The following DPY19L4 variants were observed in gnomAD, a reference collection of about 807,000 sequenced individuals.
The protein encoded by DPY19L4 is dpy-19 like 4, also known as probable C-mannosyltransferase DPY19L4.
Under a neutral mutation model 102.8 loss-of-function variants are expected in DPY19L4, and 97 were observed. The observed-to-expected ratio is 0.94, with a 90% CI of 0.80 to 1.12. The LOEUF (loss-of-function observed/expected upper bound fraction) is 1.12, where lower values mean the gene tolerates loss of function less well. Among genes scored for constraint, DPY19L4 ranks in the 50% most tolerant of loss-of-function variants. The probability of loss-of-function intolerance (pLI) is 0.00; values close to 1 mark genes in which losing one functional copy is unlikely to be tolerated. For synonymous variants in DPY19L4, 252 were observed against 283.1 expected (o/e 0.89, Z 1.10); for missense variants, 815 against 850.4 (o/e 0.96, Z 0.52).
In DPY19L4 at chr8:94,745,981, C is replaced by T. The variant is rs527748121; in HGVS notation, c.611+6191C>T. On this transcript the variant is annotated intron_variant, in intron 6 of 18. Coordinates refer to ENST00000414645, the MANE Select transcript of DPY19L4 (RefSeq NM_181787.3). ...GTTGGTCAGGCTGGTCTCAAACTAC[C>T]GACCTCAGGTGATCTGCCCACCTCA... 1.3e-3 allele frequency among the ~76,000 whole-genome samples: 192 copies of T among 151,042 alleles called. 2 individuals carry two copies. The highest frequency in any genetic ancestry group is 4.5e-3 in the African/African-American group (186 of 41,138).
intron 3 of DPY19L4, among the ~76,000 whole-genome samples, chr8:94,737,229 A>G (rs954345623): frequency 2.0e-5 from 3 of 152,252 alleles, no homozygotes; most frequent in African/African-American, 7.2e-5. Context: ...CCATGTCCCA[A>G]GGCTGCAGTG....
At chr8:94,734,337 T>G (rs577435150) in intron 2 of DPY19L4, among the ~76,000 whole-genome samples, 1 of 152,248 alleles carries the variant, frequency 6.6e-6, no homozygotes, top group Non-Finnish European at 1.5e-5. Flanking sequence ...CCCTAATGTC[T>G]TTTTTCTGTC....
intron 6 of DPY19L4, 30 bp downstream of exon 6, chr8:94,739,820 A>C: frequency 6.2e-7 from 1 of 1,608,256 alleles, no homozygotes; most frequent in Non-Finnish European, 8.5e-7. Flanking sequence ...TGATTTTTAA[A>C]AACTTTTTGT....
intron 17 of DPY19L4, among the ~76,000 whole-genome samples, chr8:94,786,096 A>G (rs1813638622): frequency 6.6e-6 from 1 of 152,206 alleles, no homozygotes; most frequent in Non-Finnish European, 1.5e-5. Flanking sequence ...ACTGAACTCC[A>G]TAAATGAGAC....
At chr8:94,736,795 A>G (rs9297945) in intron 3 of DPY19L4, among the ~76,000 whole-genome samples, 47,536 of 152,106 alleles carry the variant, frequency 0.31, 7,895 homozygotes, top group Non-Finnish European at 0.37. Context: ...GCTGTTCTGC[A>G]TACATAGAGA....
At chr8:94,723,222 C>T (rs879783810) in intron 1 of DPY19L4, among the ~76,000 whole-genome samples, 1 of 152,258 alleles carries the variant, frequency 6.6e-6, no homozygotes, top group Non-Finnish European at 1.5e-5. Context: ...CCTGTAATCC[C>T]AGCACTTTGG....
intron 6 of DPY19L4, among the ~76,000 whole-genome samples, chr8:94,751,973 G>A (rs967815788): frequency 1.1e-4 from 16 of 152,080 alleles, no homozygotes; most frequent in African/African-American, 3.6e-4. Flanking sequence ...CTATTACATA[G>A]TATGGATATA....
intron 13 of DPY19L4, among the ~76,000 whole-genome samples, chr8:94,774,575 C>T (rs1182636109): frequency 6.8e-6 from 1 of 146,634 alleles, no homozygotes; most frequent in East Asian, 2.0e-4. Context: ...CTTTCCACTT[C>T]TTTCTTTTTT....
intron 11 of DPY19L4, 111 bp from the exon 12 acceptor site, chr8:94,768,284 C>A: frequency 2.6e-6 from 2 of 783,564 alleles, no homozygotes; most frequent in African/African-American, 1.8e-5. Context: ...TATAAGTAAA[C>A]GGGTTTAGGA....
Position 94,788,035 on chromosome 8 carries a change from G to T in DPY19L4, c.1990G>T (p.Asp664Tyr). The change falls in exon 18 of 19, where the codon GAC (aspartate) becomes TAC (tyrosine). Residue 664 changes from aspartate (D) to tyrosine (Y), a missense_variant. Physicochemically the swap from Asp to Tyr is radical, Grantham distance 160. Transcript: ENST00000414645. ...AGGCTGTAGGGTTAAAGATTTATTA[G>T]ACATTGCAAATGGCCACGTAAGTAA... ...MRGCRVKDLL[D>Y]IANGHMVCEE... The T allele has an allele frequency of 6.8e-7, 1 of 1,466,070 alleles. No individual in the cohort carries two copies. The highest frequency in any genetic ancestry group is 9.0e-7 in the Non-Finnish European group (1 of 1,108,978). 90.8% of individuals were successfully genotyped at this position (1,466,070 alleles called of 1,614,324 possible).
chr8:94,725,462 C>A (rs1727740274), intron 1 of DPY19L4, among the ~76,000 whole-genome samples: 1 of 152,138 alleles, frequency 6.6e-6, no homozygotes, highest in South Asian at 2.1e-4. Flanking sequence ...ATAGTCTAAT[C>A]CTGGGAAATT....
intron 17 of DPY19L4, among the ~76,000 whole-genome samples, chr8:94,787,404 C>T (rs1008837113): frequency 2.0e-5 from 3 of 151,982 alleles, no homozygotes; most frequent in Admixed American, 6.5e-5. Flanking sequence ...TGTCAGTGGA[C>T]GTGGGAACTG....
chr8:94,738,568 G>A, intron 4 of DPY19L4, 109 bp downstream of exon 4: 1 of 374,862 alleles, frequency 2.7e-6, no homozygotes, highest in Non-Finnish European at 4.5e-6. Context: ...AGGCTGGAGT[G>A]CAGTGGTGCG....
At chr8:94,772,887 AG>A (rs1173261079) in intron 13 of DPY19L4, among the ~76,000 whole-genome samples, 1 of 152,188 alleles carries the variant, frequency 6.6e-6, no homozygotes, top group African/African-American at 2.4e-5. Context: ...CTGCACAATA[AG>A]TAAGATGCAT....
intron 7 of DPY19L4, among the ~76,000 whole-genome samples, chr8:94,760,938 G>T (rs77641473): frequency 0.013 from 1,912 of 152,278 alleles, 34 homozygotes; most frequent in African/African-American, 0.044. Context: ...ACAGCTGAAA[G>T]TTTAATATGG....
chr8:94,757,199 G>A (rs1271059403), intron 7 of DPY19L4, among the ~76,000 whole-genome samples: 3 of 152,160 alleles, frequency 2.0e-5, no homozygotes, highest in Non-Finnish European at 4.4e-5. Context: ...GAAACAGGAT[G>A]CACTTATGGG....
chr8:94,728,743 G>A (rs747738483), intron 2 of DPY19L4, among the ~76,000 whole-genome samples: 21 of 152,182 alleles, frequency 1.4e-4, no homozygotes. Context: ...AAAACAGAAT[G>A]TTACTAGAGT....
chr8:94,739,433 A>C lies in DPY19L4; in HGVS notation c.364A>C (p.Asn122His). The change falls in exon 5 of 19, where the codon AAT becomes CAT. Residue 122 changes from asparagine (N) to histidine (H), a missense_variant. Physicochemically the swap from Asn to His is moderately conservative, Grantham distance 68 (BLOSUM62 1). Transcript: ENST00000414645. ...TTTAGGTGTTTACGAACTGACACAC[A>C]ATAACAAAACTGTATCTCTGAAGAC... ...FERGVYELTH[N>H]NKTVSLKTIN... 1.9e-6 allele frequency: 3 copies of C among 1,588,038 alleles called. No individual in the cohort carries two copies. The South Asian group carries it at 3.5e-5, about 19-fold the overall frequency.
At chr8:94,726,029 C>G (rs369771012) in intron 1 of DPY19L4, among the ~76,000 whole-genome samples, 20 of 152,232 alleles carry the variant, frequency 1.3e-4, no homozygotes, top group African/African-American at 4.6e-4. Context: ...ACCTTGACCC[C>G]CAGTTTGGAA....
Sources: allele counts gnomAD v4.1 joint callset (sites outside exome capture counted in the v4.1 genomes callset), GRCh38; gene constraint gnomAD v4.1.1; transcripts MANE v1.5; gene names NCBI Gene and HGNC (gene_info 2026-07-23, HGNC 2026-07-21).